Variants in RNF216 observed in about 807,000 individuals in gnomAD.
RNF216 encodes the protein ring finger protein 216.
Under a neutral mutation model 110.8 loss-of-function variants are expected in RNF216, and 72 were observed. The ratio of observed to expected loss-of-function variants is 0.65; its 90% CI spans 0.54 to 0.79. The LOEUF is 0.79. RNF216 is among the 30% of genes least tolerant of loss of function. The pLI is 0.00. For synonymous variants in RNF216, 495 were observed against 407.5 expected, an observed-to-expected ratio of 1.21 and a Z score of -2.59; for missense variants, 1,342 against 1,141.2, an observed-to-expected ratio of 1.18 and a Z score of -2.54.
chr7:5,681,306 A>G (rs909559465), intron 13 of RNF216, among the ~76,000 whole-genome samples: 1 of 152,196 alleles, frequency 6.6e-6, no homozygotes, highest in African/African-American at 2.4e-5. Context: ...ATCTGGTTTC[A>G]TCTCCCATCA....
At position 5,680,108 on chromosome 7, in the gene RNF216, G is replaced by A. The variant is rs852396; in HGVS notation, c.2062-27598C>T. Among the ~76,000 whole-genome samples, 23,643 of 152,088 alleles carry A rather than the reference G, an allele frequency of 0.16. 3,938 individuals carry two copies. Among genetic ancestry groups the A allele is most frequent in the African/African-American group, 0.42 (17,473 of 41,428 alleles). ...CTGCTGCAATCAGGAAGAAGTCCAC[G>A]TTCTTCACACAAGGGACATCTCCCC... On this transcript the variant is annotated intron_variant, in intron 13 of 16. Transcript: ENST00000389902. The surrounding 1 kb of genome is among the most constrained non-coding windows in gnomAD (Gnocchi z 4.3).
intron 15 of RNF216, among the ~76,000 whole-genome samples, chr7:5,633,698 C>T (rs1230755141): frequency 2.0e-5 from 3 of 152,206 alleles, no homozygotes; most frequent in Non-Finnish European, 4.4e-5. Context: ...AAGAACTCAG[C>T]CTGACACAGA....
chr7:5,653,629 T>TA (rs1055841626), intron 13 of RNF216, among the ~76,000 whole-genome samples: 5,023 of 133,616 alleles, frequency 0.038, 128 homozygotes, highest in African/African-American at 0.072. Context: ...AAAAAAGAAT[T>TA]AAAAAAAAAT....
intron 13 of RNF216, among the ~76,000 whole-genome samples, chr7:5,703,022 G>A (rs778695260): frequency 7.2e-5 from 11 of 152,164 alleles, no homozygotes; most frequent in Non-Finnish European, 8.8e-5. Context: ...GCCTGAACCT[G>A]AAGCTCTTCA....
rs185486268 is a variant in RNF216 at position 5,688,678 on chromosome 7, G to C, written c.2061+23083C>G. On this transcript the variant is annotated intron_variant, in intron 13 of 16. Coordinates refer to ENST00000389902, the MANE Select transcript of RNF216 (RefSeq NM_207111.4). Reference sequence around the variant, plus strand: ...CTTACCTTGCTTTACACATCTGACAGTGTATCTTCTGGAGACTTCCTTATC... The same window carrying C: ...CTTACCTTGCTTTACACATCTGACACTGTATCTTCTGGAGACTTCCTTATC... Among the ~76,000 whole-genome samples, 81 of 152,322 alleles carry C rather than the reference G, an allele frequency of 5.3e-4. 1 individual carries two copies. The highest frequency in any genetic ancestry group is 2.7e-3 in the Admixed American group (41 of 15,300).
chr7:5,667,192 G>C (rs852415), intron 13 of RNF216, among the ~76,000 whole-genome samples: 2 of 152,010 alleles, frequency 1.3e-5, no homozygotes, highest in Non-Finnish European at 2.9e-5. Flanking sequence ...TTTAAAGTTA[G>C]AACAAAAATA....
chr7:5,650,798 G>A (rs924487408), intron 14 of RNF216, among the ~76,000 whole-genome samples: 1 of 152,074 alleles, frequency 6.6e-6, no homozygotes, highest in Non-Finnish European at 1.5e-5. Flanking sequence ...CCATCTCAAG[G>A]TCCTTAACCA....
chr7:5,651,008 T>C (rs1220175421), intron 14 of RNF216, among the ~76,000 whole-genome samples: 1 of 152,214 alleles, frequency 6.6e-6, no homozygotes, highest in Non-Finnish European at 1.5e-5. Flanking sequence ...GGTGCTTGCC[T>C]TGCCCACGTG....
At chr7:5,669,058 T>C (rs1240241679) in intron 13 of RNF216, among the ~76,000 whole-genome samples, 3 of 152,182 alleles carry the variant, frequency 2.0e-5, no homozygotes, top group South Asian at 2.1e-4. Flanking sequence ...TTAGAGAGTA[T>C]TTCAACGCAG....
intron 14 of RNF216, among the ~76,000 whole-genome samples, chr7:5,646,360 C>T (rs560867406): frequency 2.0e-5 from 3 of 150,446 alleles, no homozygotes; most frequent in South Asian, 2.1e-4. Flanking sequence ...GGTGACAAGG[C>T]GAGACTCCAT....
chr7:5,742,841 C>T (rs1274208237), intron 3 of RNF216, among the ~76,000 whole-genome samples: 1 of 151,960 alleles, frequency 6.6e-6, no homozygotes, highest in Non-Finnish European at 1.5e-5. Context: ...GATGACTGGC[C>T]CACCTCAGCC....
At position 5,771,264 on chromosome 7, in the gene RNF216, T is replaced by C. The variant is rs117639196; in HGVS notation, c.-69-10126A>G. On this transcript the variant is annotated intron_variant, in intron 1 of 16. Transcript: ENST00000389902. ...CTCATGCCTTACACAAAAACAATTT[T>C]AGATAACTACACATTTAAACAGAAA... Among the ~76,000 whole-genome samples the C allele has an allele frequency of 3.3e-3, 502 of 152,258 alleles. 5 individuals carry two copies. The highest frequency in any genetic ancestry group is 7.3e-3 in the East Asian group (38 of 5,180).
intron 8 of RNF216, among the ~76,000 whole-genome samples, chr7:5,724,214 G>A (rs1269239047): frequency 6.6e-6 from 1 of 152,156 alleles, no homozygotes; most frequent in Non-Finnish European, 1.5e-5. Flanking sequence ...CTAGAGAAGG[G>A]CACACAGGGA....
chr7:5,666,220 A>T (rs1789512321), intron 13 of RNF216, among the ~76,000 whole-genome samples: 1 of 151,916 alleles, frequency 6.6e-6, no homozygotes, highest in Non-Finnish European at 1.5e-5. Context: ...ACTAAGGACT[A>T]TGGGTCCTGC....
rs1340541589 is a variant in RNF216, at chr7:5,725,835, C to A, written c.1390-397G>T. Among the ~76,000 whole-genome samples the A allele has an allele frequency of 4.9e-5, 7 of 141,818 alleles. No individual in the cohort carries two copies. In the South Asian group the frequency reaches 1.1e-3, roughly 22 times the overall value. 93.0% of individuals were successfully genotyped at this position (141,818 alleles called of 152,430 possible). A position where few individuals can be genotyped will look rare whatever the true frequency, so the allele number is the denominator to read the frequency against. ...ACTGCACTGCACCACTGCACTCCAG[C>A]CTGGGCAAAAAAAAAAAAAAAAAAG... On this transcript the variant is annotated intron_variant, in intron 7 of 16. Coordinates refer to ENST00000389902, the MANE Select transcript of RNF216 (RefSeq NM_207111.4).
intron 15 of RNF216, among the ~76,000 whole-genome samples, chr7:5,633,655 C>G (rs1412213691): frequency 6.6e-6 from 1 of 152,138 alleles, no homozygotes; most frequent in Non-Finnish European, 1.5e-5. Flanking sequence ...TGTTTCCTTT[C>G]CTTGAATTCC....
At chr7:5,730,952 T>C (rs1213762467) in intron 5 of RNF216, 135 bp from the exon 6 acceptor site, 1 of 1,343,608 alleles carries the variant, frequency 7.4e-7, no homozygotes, top group Admixed American at 2.7e-5. Flanking sequence ...AAGATGTTTG[T>C]AGCCCAGAAA....
intron 7 of RNF216, among the ~76,000 whole-genome samples, chr7:5,727,624 T>C (rs1793840010): frequency 6.6e-6 from 1 of 152,048 alleles, no homozygotes; most frequent in South Asian, 2.1e-4. Flanking sequence ...CCTAGCTACA[T>C]GGGAGGCTGA....
chr7:5,664,250 A>G (rs1014472241), intron 13 of RNF216, among the ~76,000 whole-genome samples: 2 of 152,224 alleles, frequency 1.3e-5, no homozygotes, highest in Non-Finnish European at 2.9e-5. Flanking sequence ...AATTATGCCA[A>G]GTATTTTATG....
Sources: gnomAD v4.1 joint callset for allele counts (sites outside exome capture counted in the v4.1 genomes callset) on GRCh38, gnomAD v4.1.1 for gene constraint, Gnocchi (gnomAD v3.1) non-coding constraint, MANE v1.5 for transcripts, NCBI Gene and HGNC (gene_info 2026-07-23, HGNC 2026-07-21) for gene names.